DERL1: variants seen among roughly 807,000 people sequenced by gnomAD.
The protein encoded by DERL1 is derlin-1.
A neutral mutation model predicts 41.6 loss-of-function variants in DERL1; 24 were observed. That is an observed-to-expected ratio of 0.58 (90% CI 0.42 to 0.81). DERL1 has a LOEUF of 0.81. Ranked by LOEUF, DERL1 falls within the 30% of genes least tolerant of loss-of-function variation. The pLI is 0.00. For synonymous variants in DERL1, 124 were observed against 112.5 expected (o/e 1.10, Z -0.65); for missense variants, 260 against 314.3 (o/e 0.83, Z 1.31).
intron 7 of DERL1, 127 bp from the exon 8 acceptor site, chr8:123,015,712 G>C: frequency 8.3e-7 from 1 of 1,207,292 alleles, no homozygotes; most frequent in Admixed American, 3.1e-5. Context: ...TGAAGGCAGC[G>C]AGGGACGTCT....
chr8:123,041,954 C>A lies in DERL1; in HGVS notation c.153+16G>T, dbSNP rs753420198. On this transcript the variant is annotated intron_variant, in intron 1 of 7. Transcript: ENST00000259512. The stretch of plus-strand genomic sequence containing the variant: ...TGGGGCCTGTAGTCTCCACGCCCCC[C>A]GTCTCCGGTAAGTACCTGAAAGCGA... 15 of 1,596,518 alleles carry A rather than the reference C, an allele frequency of 9.4e-6. No homozygotes were observed. The highest frequency in any genetic ancestry group is 1.2e-5 in the Non-Finnish European group (14 of 1,169,096).
rs531377346 is a variant in DERL1, at chr8:123,029,866, C to G, written c.265+739G>C. Reference sequence around the variant, plus strand: ...CTTGAGGTCAGGAGTTTGAGACCAGCCTGGCCAACAGGGTAAAACCCCATC... The same window carrying G: ...CTTGAGGTCAGGAGTTTGAGACCAGGCTGGCCAACAGGGTAAAACCCCATC... On this transcript the variant is annotated intron_variant, in intron 2 of 7. Transcript: ENST00000259512. Among the ~76,000 whole-genome samples, 263 of 152,122 alleles carry G rather than the reference C, an allele frequency of 1.7e-3. 1 individual carries two copies. The highest frequency in any genetic ancestry group is 6.0e-3 in the African/African-American group (248 of 41,490).
chr8:123,014,728 C>T lies in DERL1; in HGVS notation c.*719G>A, dbSNP rs971651500. On this transcript the variant is annotated 3_prime_UTR_variant, in exon 8 of 8. Coordinates refer to ENST00000259512, the MANE Select transcript of DERL1 (RefSeq NM_024295.6). ...TTGATCACTTAGCTCAGGAAACAAACACCCAGCAACAACCCTCGTATCTCA... is the reference window on the plus strand; with the variant it reads ...TTGATCACTTAGCTCAGGAAACAAATACCCAGCAACAACCCTCGTATCTCA... 5.9e-5 allele frequency: 9 copies of T among 152,286 alleles called. No individual in the cohort carries two copies. The highest frequency in any genetic ancestry group is 4.6e-4 in the Admixed American group (7 of 15,280). 9.4% of individuals were successfully genotyped at this position (152,286 alleles called of 1,614,324 possible).
At chr8:123,031,486 A>C (rs985796969) in intron 1 of DERL1, among the ~76,000 whole-genome samples, 3 of 152,196 alleles carry the variant, frequency 2.0e-5, no homozygotes, top group Non-Finnish European at 4.4e-5. Flanking sequence ...CGGAGGTTGC[A>C]GTAAGCCAAG....
intron 2 of DERL1, chr8:123,025,600 A>G (rs571045737): frequency 1.3e-5 from 2 of 152,572 alleles, no homozygotes; most frequent in East Asian, 3.9e-4. Context: ...ACATACACAC[A>G]CACAACCACC....
At chr8:123,041,663 T>C (rs1334938244) in intron 1 of DERL1, among the ~76,000 whole-genome samples, 1 of 152,182 alleles carries the variant, frequency 6.6e-6, no homozygotes, top group African/African-American at 2.4e-5. Context: ...GTCCAACAGA[T>C]TGACAACTAC....
At chr8:123,022,578 G>T in intron 5 of DERL1, 106 bp downstream of exon 5, 1 of 1,059,560 alleles carries the variant, frequency 9.4e-7, no homozygotes, top group Non-Finnish European at 1.5e-6. Context: ...ATGGTACACT[G>T]CTCTGCAGTG....
rs1405639444 is a variant in DERL1 at position 123,013,792 on chromosome 8, A to G, written c.*1655T>C. 6.6e-6 allele frequency: 1 copy of G among 152,184 alleles called. No individual in the cohort carries two copies. The highest frequency in any genetic ancestry group is 1.5e-5 in the Non-Finnish European group (1 of 68,030). The allele number at this position is 152,184 out of a possible 1,614,324, so 9.4% of individuals were successfully genotyped here. ...CATAATTGGAGTAATGGCCTCTAAA[A>G]TTTTACAAGTAAACTTTATTGTGGC... On this transcript the variant is annotated 3_prime_UTR_variant, in exon 8 of 8. Coordinates refer to ENST00000259512, the MANE Select transcript of DERL1 (RefSeq NM_024295.6).
At chr8:123,026,623 G>A (rs12682425) in intron 2 of DERL1, among the ~76,000 whole-genome samples, 13,275 of 152,198 alleles carry the variant, frequency 0.087, 1,048 homozygotes, top group African/African-American at 0.2. Context: ...TCCTAACTGC[G>A]TTAACTCAAA....
At chr8:123,038,616 C>T (rs1332758002) in intron 1 of DERL1, among the ~76,000 whole-genome samples, 2 of 152,186 alleles carry the variant, frequency 1.3e-5, no homozygotes, top group Non-Finnish European at 2.9e-5. Flanking sequence ...TGCTTCTTTA[C>T]AATGTGCTTA....
chr8:123,029,783 G>A (rs1356400752), intron 2 of DERL1, among the ~76,000 whole-genome samples: 1 of 152,116 alleles, frequency 6.6e-6, no homozygotes, highest in Non-Finnish European at 1.5e-5. Context: ...AGGTTGGCTG[G>A]GCACGTTGAC....
At chr8:123,024,462 A>G (rs1321723690) in intron 3 of DERL1, among the ~76,000 whole-genome samples, 4 of 152,168 alleles carry the variant, frequency 2.6e-5, no homozygotes, top group Non-Finnish European at 5.9e-5. Flanking sequence ...CATCTGTAAG[A>G]GTCCTGCAGT....
intron 6 of DERL1, among the ~76,000 whole-genome samples, 175 bp from the exon 7 acceptor site, chr8:123,019,480 C>T (rs1051904039): frequency 6.6e-5 from 10 of 152,102 alleles, no homozygotes; most frequent in African/African-American, 2.2e-4. Flanking sequence ...CTGAGGGAGA[C>T]GGGAAATCAG....
At chr8:123,040,686 A>C (rs1813036666) in intron 1 of DERL1, among the ~76,000 whole-genome samples, 1 of 152,262 alleles carries the variant, frequency 6.6e-6, no homozygotes, top group South Asian at 2.1e-4. Context: ...AATGGCTTGC[A>C]ATGGAGAATG....
At chr8:123,036,693 GA>G (rs902018206) in intron 1 of DERL1, among the ~76,000 whole-genome samples, 6 of 152,140 alleles carry the variant, frequency 3.9e-5, no homozygotes, top group Admixed American at 3.9e-4. Context: ...GACTACTAAG[GA>G]AAGATCTTAA....
chr8:123,035,547 A>G (rs1203304336), intron 1 of DERL1, among the ~76,000 whole-genome samples: 1 of 152,172 alleles, frequency 6.6e-6, no homozygotes, highest in Non-Finnish European at 1.5e-5. Flanking sequence ...CAGACAGAGG[A>G]CTGCCTGCCT....
In DERL1 at chr8:123,042,277, A is replaced by C; in HGVS notation, c.-155T>G. On this transcript the variant is annotated 5_prime_UTR_variant, in exon 1 of 8. In the 5' UTR this introduces an upstream ATG that the reference lacks. Coordinates refer to ENST00000259512, the MANE Select transcript of DERL1 (RefSeq NM_024295.6). ...GAGACGGGCGGACGTGGCGCCACCG[A>C]ATTCGGACCAGCGAGGCAGCCTTCT... 2.9e-6 allele frequency: 3 copies of C among 1,043,474 alleles called. No individual in the cohort carries two copies. The South Asian group carries it at 5.5e-5, about 19-fold the overall frequency. 64.6% of individuals were successfully genotyped at this position (1,043,474 alleles called of 1,614,324 possible).
At chr8:123,022,647 A>C (rs1191552667) in intron 5 of DERL1, 37 bp downstream of exon 5, 2 of 1,589,870 alleles carry the variant, frequency 1.3e-6, no homozygotes, top group Non-Finnish European at 1.7e-6. Flanking sequence ...TTCTGCAGAC[A>C]AATGAAAAGG....
chr8:123,013,414 T>C lies in DERL1; in HGVS notation c.*2033A>G, dbSNP rs1814465895. 6.6e-6 allele frequency: 1 copy of C among 151,852 alleles called. No homozygotes were observed. Among genetic ancestry groups the C allele is most frequent in the Non-Finnish European group, 1.5e-5 (1 of 67,960 alleles). 9.4% of individuals were successfully genotyped at this position (151,852 alleles called of 1,614,324 possible). ...GATTAGTTTACAAAAAGGGAAGTCC[T>C]TTATACAAAATAAGGATTTTTTTTT... On this transcript the variant is annotated 3_prime_UTR_variant, in exon 8 of 8. Coordinates refer to ENST00000259512, the MANE Select transcript of DERL1 (RefSeq NM_024295.6).
Sources: allele counts gnomAD v4.1 joint callset (sites outside exome capture counted in the v4.1 genomes callset), GRCh38; gene constraint gnomAD v4.1.1; transcripts MANE v1.5; gene names NCBI Gene and HGNC (gene_info 2026-07-23, HGNC 2026-07-21).